DNAJB5: variants seen among roughly 807,000 people sequenced by gnomAD.
The protein encoded by DNAJB5 is DnaJ heat shock protein family (Hsp40) member B5.
A neutral mutation model predicts 32.6 loss-of-function variants in DNAJB5; 12 were observed. The ratio of observed to expected loss-of-function variants is 0.37; its 90% CI spans 0.24 to 0.60. The LOEUF (loss-of-function observed/expected upper bound fraction) is 0.60, where lower values mean the gene tolerates loss of function less well. Ranked by LOEUF, DNAJB5 falls within the 20% of genes least tolerant of loss-of-function variation. The pLI is 0.71. For synonymous variants in DNAJB5, 188 were observed against 212.9 expected, an observed-to-expected ratio of 0.88 and a Z score of 1.02; for missense variants, 358 against 554.2, an observed-to-expected ratio of 0.65 and a Z score of 3.55.
chr9:34,989,795 T>C lies in DNAJB5; in HGVS notation c.-169T>C. On this transcript the variant is annotated 5_prime_UTR_variant, in exon 1 of 5. Coordinates refer to ENST00000682809, the MANE Select transcript of DNAJB5 (RefSeq NM_001349723.3). The stretch of plus-strand genomic sequence containing the variant: ...GAGCCGGGGGAGGGGGCAGCGGCTG[T>C]CTCACGGACCACGGCGGCGCCCGCA... The C allele has an allele frequency of 8.1e-7, 1 of 1,231,350 alleles. No homozygotes were observed. The highest frequency in any genetic ancestry group is 1.0e-6 in the Non-Finnish European group (1 of 987,686). The allele number at this position is 1,231,350 out of a possible 1,614,324, so 76.3% of individuals were successfully genotyped here.
intron 3 of DNAJB5, among the ~76,000 whole-genome samples, chr9:34,994,845 T>C (rs1264264948): frequency 6.6e-6 from 1 of 152,202 alleles, no homozygotes; most frequent in African/African-American, 2.4e-5. Context: ...GTTATATTTC[T>C]GTCCACCCTG....
chr9:34,997,286 A>T lies in DNAJB5; in HGVS notation c.*27A>T. Reference sequence around the variant, plus strand: ...CTCTGCCCCAGCCAGTCCAGAGCCTACCACAGCAATACCCCCAACACTCAC... The same window carrying T: ...CTCTGCCCCAGCCAGTCCAGAGCCTTCCACAGCAATACCCCCAACACTCAC... On this transcript the variant is annotated 3_prime_UTR_variant, in exon 5 of 5. Coordinates refer to ENST00000682809, the MANE Select transcript of DNAJB5 (RefSeq NM_001349723.3). This position sits in a 1 kb window ranked among gnomAD's most constrained non-coding sequence, Gnocchi z 4.1. The T allele has an allele frequency of 6.2e-7, 1 of 1,605,226 alleles. No individual in the cohort carries two copies. Among genetic ancestry groups the T allele is most frequent in the Non-Finnish European group, 8.5e-7 (1 of 1,171,888 alleles).
In DNAJB5 at chr9:34,997,309, C is replaced by T; in HGVS notation, c.*50C>T. On this transcript the variant is annotated 3_prime_UTR_variant, in exon 5 of 5. Transcript: ENST00000682809. The surrounding 1 kb of genome is among the most constrained non-coding windows in gnomAD (Gnocchi z 4.1). The stretch of plus-strand genomic sequence containing the variant: ...CTACCACAGCAATACCCCCAACACT[C>T]ACTCCACTCAATGTGCACCCAGCTT... 6.4e-7 allele frequency: 1 copy of T among 1,562,250 alleles called. No individual in the cohort carries two copies. The highest frequency in any genetic ancestry group is 8.8e-7 in the Non-Finnish European group (1 of 1,132,932).
At chr9:34,998,779 GAA>G (rs1827868337), downstream of DNAJB5, 1 of 147,488 alleles carries the variant, frequency 6.8e-6, no homozygotes, top group Non-Finnish European at 1.5e-5. Flanking sequence ...CCTTCTAGGA[GAA>G]AATTTTTTTC....
In DNAJB5 at chr9:34,993,216, G is replaced by C; in HGVS notation, c.199G>C (p.Ala67Pro). 1 of 1,613,956 alleles carries C rather than the reference G, an allele frequency of 6.2e-7. No homozygotes were observed. The highest frequency in any genetic ancestry group is 1.1e-5 in the South Asian group (1 of 91,076). ...FVKFRNKETSAGPVAVMGKDY... is the reference protein window; with the variant it reads ...FVKFRNKETSPGPVAVMGKDY... The stretch of plus-strand genomic sequence containing the variant: ...TTCTTTCAGAAACAAGGAGACCAGT[G>C]CTGGTCCAGTGGCTGTGATGGGAAA... Residue 67 changes from alanine (A) to proline (P), a missense_variant, in exon 3 of 5, where the codon GCT becomes CCT. Around this residue, in one of 2 missense-constraint regions of DNAJB5, gnomAD observed 110 missense variants for 111.7 expected, o/e 0.99. Coordinates refer to ENST00000682809, the MANE Select transcript of DNAJB5 (RefSeq NM_001349723.3). The surrounding 1 kb of genome is among the most constrained non-coding windows in gnomAD (Gnocchi z 4.7).
rs1161927924 is a variant in DNAJB5 at position 34,998,071 on chromosome 9, A to G, written c.*812A>G. The stretch of plus-strand genomic sequence containing the variant: ...GGAAAGGGCTTTGGGGTCAGGTGGC[A>G]GCTATTCCCCACCAAGAGATTCAGG... On this transcript the variant is annotated 3_prime_UTR_variant, in exon 5 of 5. Transcript: ENST00000682809. 6.5e-6 allele frequency: 1 copy of G among 152,832 alleles called. No individual in the cohort carries two copies. Among genetic ancestry groups the G allele is most frequent in the Non-Finnish European group, 1.5e-5 (1 of 68,230 alleles). 9.5% of individuals were successfully genotyped at this position (152,832 alleles called of 1,614,324 possible).
At position 34,993,580 on chromosome 9, in the gene DNAJB5, G is replaced by C. The variant is rs191273443; in HGVS notation, c.427+136G>C. On this transcript the variant is annotated intron_variant, in intron 3 of 4. Transcript: ENST00000682809. This position sits in a 1 kb window ranked among gnomAD's most constrained non-coding sequence, Gnocchi z 4.7. ...CAAGGGTTTCCAGCACTGTCACCCA[G>C]AGAAGAGAGAAGCCCACCCACTACC... The C allele has an allele frequency of 1.8e-4, 214 of 1,182,882 alleles. No individual in the cohort carries two copies. The highest frequency in any genetic ancestry group is 1.4e-4 in the Non-Finnish European group (119 of 858,936). The allele number at this position is 1,182,882 out of a possible 1,614,324, so 73.3% of individuals were successfully genotyped here. A position where few individuals can be genotyped will look rare whatever the true frequency, so the allele number is the denominator to read the frequency against.
In DNAJB5 at chr9:34,990,221, G is replaced by A. The variant is rs1827584564; in HGVS notation, c.-132-278G>A. On this transcript the variant is annotated intron_variant, in intron 1 of 4. Transcript: ENST00000682809. The surrounding 1 kb of genome is among the most constrained non-coding windows in gnomAD (Gnocchi z 4.5). ...GAGCTCCGCTCTGCCCCGCCCATCT[G>A]CGAGGGAGGAGACTCCCGTCAGTGA... is the stretch of plus-strand genomic sequence containing the variant. 1 of 1,313,170 alleles carries A rather than the reference G, an allele frequency of 7.6e-7. No individual in the cohort carries two copies. Among genetic ancestry groups the A allele is most frequent in the South Asian group, 1.4e-5 (1 of 70,270 alleles). 81.3% of individuals were successfully genotyped at this position (1,313,170 alleles called of 1,614,324 possible). A position where few individuals can be genotyped will look rare whatever the true frequency, so the allele number is the denominator to read the frequency against.
Position 34,990,834 on chromosome 9 carries a change from C to A in DNAJB5, c.182+22C>A. The A allele has an allele frequency of 6.5e-7, 1 of 1,538,758 alleles. No individual in the cohort carries two copies. The highest frequency in any genetic ancestry group is 2.4e-5 in the East Asian group (1 of 40,904). ...TTCGGTAAGTCCCTCCGGAGAAGGG[C>A]ACTCACACCCATACCCAGTCAAACC... On this transcript the variant is annotated intron_variant, in intron 2 of 4. Coordinates refer to ENST00000682809, the MANE Select transcript of DNAJB5 (RefSeq NM_001349723.3). This position sits in a 1 kb window ranked among gnomAD's most constrained non-coding sequence, Gnocchi z 4.5.
In DNAJB5 at chr9:34,996,639, C is replaced by T. The variant is rs761475982; in HGVS notation, c.802C>T (p.Arg268Cys). Residue 268 changes from arginine (R) to cysteine (C), a missense_variant, in exon 4 of 5, where the codon CGC becomes TGC. Physicochemically the swap from Arg to Cys is radical, Grantham distance 180. Coordinates refer to ENST00000682809, the MANE Select transcript of DNAJB5 (RefSeq NM_001349723.3). This position sits in a 1 kb window ranked among gnomAD's most constrained non-coding sequence, Gnocchi z 7.2. ...CAAGCGCATGAAGATCACAAGGCGTCGCCTCAACCCTGATGGGCGAACTGT... is the reference window on the plus strand; with the variant it reads ...CAAGCGCATGAAGATCACAAGGCGTTGCCTCAACCCTGATGGGCGAACTGT... ...STKRMKITRRRLNPDGRTVRT... is the reference protein window; with the variant it reads ...STKRMKITRRCLNPDGRTVRT... 4.3e-6 allele frequency: 7 copies of T among 1,614,128 alleles called. No homozygotes were observed. Among genetic ancestry groups the T allele is most frequent in the Non-Finnish European group, 4.2e-6 (5 of 1,180,028 alleles).
In DNAJB5 at chr9:34,997,196, C is replaced by T. The variant is rs771978603; in HGVS notation, c.1200C>T (p.Arg400=). ...ACCTCATTGTTGAGTTCAAAGTTCG[C>T]TTCCCAGACAGATTAACACCACAGA... The part of the protein sequence containing the change: ...RGDLIVEFKV[R]FPDRLTPQTR... The change falls in exon 5 of 5, where the codon CGC becomes CGT. Residue 400 remains arginine, a synonymous_variant. Coordinates refer to ENST00000682809, the MANE Select transcript of DNAJB5 (RefSeq NM_001349723.3). This position sits in a 1 kb window ranked among gnomAD's most constrained non-coding sequence, Gnocchi z 4.1. 3.1e-6 allele frequency: 5 copies of T among 1,614,046 alleles called. No homozygotes were observed. Among genetic ancestry groups the T allele is most frequent in the Non-Finnish European group, 4.2e-6 (5 of 1,180,036 alleles).
rs144639595 is a variant in DNAJB5, at chr9:34,994,332, T to C, written c.427+888T>C. 5.9e-4 allele frequency among the ~76,000 whole-genome samples: 90 copies of C among 152,326 alleles called. 1 individual carries two copies. The South Asian group carries it at 0.017, about 29-fold the overall frequency. ...ACTAAATGGGCTAATCATATGTAGATAAGAAGGTTATTTTCTTCCCCTCCT... is the reference window on the plus strand; with the variant it reads ...ACTAAATGGGCTAATCATATGTAGACAAGAAGGTTATTTTCTTCCCCTCCT... On this transcript the variant is annotated intron_variant, in intron 3 of 4. Transcript: ENST00000682809.
chr9:34,993,253 A>G lies in DNAJB5; in HGVS notation c.236A>G (p.Lys79Arg). ...GCTGTGATGGGAAAAGATTATTACA[A>G]GATTCTTGGGATCCCATCGGGGGCC... Reference protein sequence around the residue: ...PVAVMGKDYYKILGIPSGANE... With the variant: ...PVAVMGKDYYRILGIPSGANE... The change falls in exon 3 of 5, where the codon AAG becomes AGG. Residue 79 changes from lysine to arginine, a missense_variant. Coordinates refer to ENST00000682809, the MANE Select transcript of DNAJB5 (RefSeq NM_001349723.3). This position sits in a 1 kb window ranked among gnomAD's most constrained non-coding sequence, Gnocchi z 4.7. 6.2e-7 allele frequency: 1 copy of G among 1,614,156 alleles called. No homozygotes were observed. Among genetic ancestry groups the G allele is most frequent in the Non-Finnish European group, 8.5e-7 (1 of 1,180,030 alleles).
chr9:34,990,783 G>C lies in DNAJB5; in HGVS notation c.153G>C (p.Ala51=). 1 of 1,551,530 alleles carries C rather than the reference G, an allele frequency of 6.4e-7. No homozygotes were observed. Residue 51 remains alanine (A), a synonymous_variant, in exon 2 of 5, where the codon GCG becomes GCC. Transcript: ENST00000682809. This position sits in a 1 kb window ranked among gnomAD's most constrained non-coding sequence, Gnocchi z 4.5. ...AGCTGGAGCCCTTAAAACTTCGAGCGTGGACGCTGAATGGGTTTGTAAAGT... is the reference window on the plus strand; with the variant it reads ...AGCTGGAGCCCTTAAAACTTCGAGCCTGGACGCTGAATGGGTTTGTAAAGT... The part of the protein sequence containing the change: ...KIQLEPLKLR[A]WTLNGFVKFR...
chr9:34,989,854 C>T (rs1168856602), intron 1 of DNAJB5, 23 bp downstream of exon 1: 1 of 1,236,946 alleles, frequency 8.1e-7, no homozygotes, highest in African/African-American at 1.6e-5. Context: ...AGCCAGGACT[C>T]GGGGGTCCCG....
chr9:34,996,276 G>T lies in DNAJB5; in HGVS notation c.439G>T (p.Gly147Cys). 1 of 1,613,308 alleles carries T rather than the reference G, an allele frequency of 6.2e-7. No individual in the cohort carries two copies. Among genetic ancestry groups the T allele is most frequent in the Non-Finnish European group, 8.5e-7 (1 of 1,179,400 alleles). The change falls in exon 4 of 5, where the codon GGC becomes TGC. Residue 147 changes from glycine to cysteine, a missense_variant. Coordinates refer to ENST00000682809, the MANE Select transcript of DNAJB5 (RefSeq NM_001349723.3). This position sits in a 1 kb window ranked among gnomAD's most constrained non-coding sequence, Gnocchi z 7.2. ...CTCCTCCCCTCTAGGCCTGAAGACC[G>T]GCGGTGGCACATCAGGTGGCTCCAG... ...DQYGEEGLKT[G>C]GGTSGGSSGS... is the part of the protein sequence containing the mutation.
At chr9:34,992,794 A>C in intron 2 of DNAJB5, 1 of 1,022,132 alleles carries the variant, frequency 9.8e-7, no homozygotes, top group Non-Finnish European at 1.2e-6. Flanking sequence ...GGCGTAGGAG[A>C]CCACGATGCT....
intron 2 of DNAJB5, chr9:34,991,205 CT>C (rs1827619364): frequency 2.4e-6 from 1 of 414,160 alleles, no homozygotes; most frequent in Non-Finnish European, 4.8e-6. Flanking sequence ...CCCATTTTTC[CT>C]TCCTGCCTCT....
Position 34,990,701 on chromosome 9 carries a change from G to A in DNAJB5, c.71G>A (p.Arg24Gln). 1.1e-5 allele frequency: 17 copies of A among 1,551,642 alleles called. No homozygotes were observed. Among genetic ancestry groups the A allele is most frequent in the Non-Finnish European group, 1.5e-5 (17 of 1,146,972 alleles). The change falls in exon 2 of 5, where the codon CGG (arginine) becomes CAG (glutamine). Residue 24 changes from arginine to glutamine, a missense_variant. Arg to Gln is a conservative substitution (Grantham distance 43). Around this residue, in one of 2 missense-constraint regions of DNAJB5, gnomAD observed 110 missense variants for 111.7 expected, o/e 0.99. Coordinates refer to ENST00000682809, the MANE Select transcript of DNAJB5 (RefSeq NM_001349723.3). This position sits in a 1 kb window ranked among gnomAD's most constrained non-coding sequence, Gnocchi z 4.5. ...CCACTGCAGGCCCGAGGAGCTTTCCGGAGCTTCCCACACTCCTGGGGAGAA... is the reference window on the plus strand; with the variant it reads ...CCACTGCAGGCCCGAGGAGCTTTCCAGAGCTTCCCACACTCCTGGGGAGAA... ...APPLQARGAF[R>Q]SFPHSWGEDF... is the part of the protein sequence containing the mutation.
Sources: allele counts gnomAD v4.1 joint callset (sites outside exome capture counted in the v4.1 genomes callset), GRCh38; gene constraint gnomAD v4.1.1; regional missense constraint gnomAD v4.1.1; non-coding constraint Gnocchi (gnomAD v3.1); transcripts MANE v1.5; gene names NCBI Gene and HGNC (gene_info 2026-07-23, HGNC 2026-07-21).